The following AFAP1 variants were observed in gnomAD, a reference collection of about 807,000 sequenced individuals.
AFAP1 encodes the protein actin filament-associated protein 1.
In AFAP1, 75 loss-of-function variants were observed where a neutral mutation model predicts 93.9. The ratio of observed to expected loss-of-function variants is 0.80; its 90% confidence interval spans 0.66 to 0.97. AFAP1 has a LOEUF of 0.97. Ranked by LOEUF, AFAP1 falls within the 50% of genes least tolerant of loss-of-function variation. The pLI, the probability that AFAP1 is intolerant of heterozygous loss-of-function variation, is 0.00. For synonymous variants in AFAP1, 517 were observed against 430.7 expected, an observed-to-expected ratio of 1.20 and a Z score of -2.48; for missense variants, 1,201 against 1,050.8, an observed-to-expected ratio of 1.14 and a Z score of -1.98.
intron 9 of AFAP1, among the ~76,000 whole-genome samples, chr4:7,801,737 C>T (rs549336618): frequency 1.8e-4 from 27 of 151,424 alleles, no homozygotes; most frequent in African/African-American, 4.8e-4. Flanking sequence ...AAATGTCACA[C>T]ATACCCCTAC....
intron 12 of AFAP1, among the ~76,000 whole-genome samples, chr4:7,783,199 G>A (rs532451640): frequency 1.6e-4 from 24 of 152,212 alleles, no homozygotes; most frequent in African/African-American, 4.1e-4. Flanking sequence ...CAGTGCAGTG[G>A]CACAATCTCA....
intron 4 of AFAP1, among the ~76,000 whole-genome samples, chr4:7,846,662 T>TTTTTAA (rs1713737268): frequency 6.6e-6 from 1 of 152,222 alleles, no homozygotes; most frequent in Non-Finnish European, 1.5e-5. Context: ...TTGTGAGCTC[T>TTTTTAA]ACTCTATGCC....
chr4:7,789,856 G>T (rs1233491695), intron 11 of AFAP1, among the ~76,000 whole-genome samples: 2 of 152,226 alleles, frequency 1.3e-5, no homozygotes, highest in Non-Finnish European at 2.9e-5. Context: ...GTGACTTGAA[G>T]AGAGTTTCAG....
intron 9 of AFAP1, among the ~76,000 whole-genome samples, chr4:7,804,910 G>A (rs1425314065): frequency 6.6e-6 from 1 of 152,194 alleles, no homozygotes; most frequent in Non-Finnish European, 1.5e-5. Context: ...TCAGGAAACT[G>A]CTGGCAGCTG....
chr4:7,777,807 T>C (rs1314757463), intron 14 of AFAP1: 2 of 152,230 alleles, frequency 1.3e-5, no homozygotes, highest in African/African-American at 4.8e-5. Flanking sequence ...ATCCCCACAC[T>C]GCAGCCCTGC....
chr4:7,852,133 G>A (rs142997133), intron 4 of AFAP1, among the ~76,000 whole-genome samples: 2 of 152,260 alleles, frequency 1.3e-5, no homozygotes, highest in African/African-American at 2.4e-5. Flanking sequence ...GGGGGCAAGA[G>A]ACTTCAGAGT....
rs761608575 is a variant in AFAP1, at chr4:7,939,473, G to A, written c.-3+183C>T. The stretch of plus-strand genomic sequence containing the variant: ...ACCGGCCCCCACCCGCAGGACGACC[G>A]GGACCCCCGCGCGGGCCCACGCGGC... On this transcript the variant is annotated intron_variant, in intron 1 of 17. Coordinates refer to ENST00000420658, the MANE Select transcript of AFAP1 (RefSeq NM_001134647.2). The surrounding 1 kb of genome is among the most constrained non-coding windows in gnomAD (Gnocchi z 5.6). The A allele has an allele frequency of 3.3e-6, 1 of 300,980 alleles. No individual in the cohort carries two copies. Among genetic ancestry groups the A allele is most frequent in the Non-Finnish European group, 6.3e-6 (1 of 157,916 alleles). The allele number at this position is 300,980 out of a possible 1,614,324, so 18.6% of individuals were successfully genotyped here. A position where few individuals can be genotyped will look rare whatever the true frequency, so the allele number is the denominator to read the frequency against.
intron 1 of AFAP1, among the ~76,000 whole-genome samples, chr4:7,912,626 G>C (rs1719798942): frequency 6.6e-6 from 1 of 152,168 alleles, no homozygotes; most frequent in Non-Finnish European, 1.5e-5. Context: ...AAAGTAGATG[G>C]TTTGGTTTTA....
intron 4 of AFAP1, among the ~76,000 whole-genome samples, chr4:7,853,168 T>C (rs1284097121): frequency 1.3e-5 from 2 of 151,710 alleles, no homozygotes; most frequent in Non-Finnish European, 2.9e-5. Flanking sequence ...TAGATGATTC[T>C]GGGCTAGGGT....
chr4:7,873,599 G>A (rs760288239), intron 1 of AFAP1, among the ~76,000 whole-genome samples: 1 of 151,884 alleles, frequency 6.6e-6, no homozygotes, highest in African/African-American at 2.4e-5. Flanking sequence ...CCACCCATCT[G>A]GGCCTCCCAA....
At chr4:7,893,094 G>C (rs1282331466) in intron 1 of AFAP1, among the ~76,000 whole-genome samples, 1 of 152,168 alleles carries the variant, frequency 6.6e-6, no homozygotes, top group Non-Finnish European at 1.5e-5. Context: ...CGGTGCCGGG[G>C]GGGCAGAAAC....
chr4:7,781,492 CCTTT>C lies in AFAP1; in HGVS notation c.1662_1665del (p.Lys555ProfsTer59), dbSNP rs1716766304. The C allele has an allele frequency of 1.3e-6, 2 of 1,552,208 alleles. No homozygotes were observed. The highest frequency in any genetic ancestry group is 1.7e-6 in the Non-Finnish European group (2 of 1,147,114). ...AGCTTGTCAGCAGACAGCCTAGAGGCCTTTCTGTCAGCAGGAGAGTAGCGGGCAA... is the reference window on the plus strand; with the variant it reads ...AGCTTGTCAGCAGACAGCCTAGAGGCCTGTCAGCAGGAGAGTAGCGGGCAA... On this transcript the variant is annotated frameshift_variant, in exon 13 of 18. Transcript: ENST00000420658. LOFTEE classifies it high-confidence loss of function.
At position 7,834,128 on chromosome 4, in the gene AFAP1, C is replaced by CACACACACAT. The variant is rs756961714; in HGVS notation, c.726+4395_726+4396insATGTGTGTGT. Among the ~76,000 whole-genome samples the CACACACACAT allele has an allele frequency of 6.8e-3, 812 of 119,412 alleles. 12 individuals carry two copies. The highest frequency in any genetic ancestry group is 0.022 in the African/African-American group (563 of 25,490). 78.3% of individuals were successfully genotyped at this position (119,412 alleles called of 152,430 possible). A position where few individuals can be genotyped will look rare whatever the true frequency, so the allele number is the denominator to read the frequency against. ...ACACACACACACACACACACACACACATATATACAATGGAATACTACTCAG... is the reference window on the plus strand; with the variant it reads ...ACACACACACACACACACACACACACACACACACATATATATACAATGGAATACTACTCAG... On this transcript the variant is annotated intron_variant, in intron 6 of 17. Coordinates refer to ENST00000420658, the MANE Select transcript of AFAP1 (RefSeq NM_001134647.2).
intron 4 of AFAP1, among the ~76,000 whole-genome samples, chr4:7,849,540 G>T (rs1445814014): frequency 2.0e-5 from 3 of 152,142 alleles, no homozygotes; most frequent in Non-Finnish European, 4.4e-5. Flanking sequence ...ATGACAAACG[G>T]CCTATTGGAG....
At chr4:7,842,685 T>G in intron 5 of AFAP1, 1 of 156,278 alleles carries the variant, frequency 6.4e-6, no homozygotes, top group Non-Finnish European at 1.4e-5. Flanking sequence ...CCTCTCAAAT[T>G]TAAAAAAAAA....
chr4:7,784,188 T>C (rs1717045271), intron 12 of AFAP1, among the ~76,000 whole-genome samples: 1 of 152,014 alleles, frequency 6.6e-6, no homozygotes, highest in African/African-American at 2.4e-5. Flanking sequence ...CAGGGAGGAT[T>C]GGCTGAGGGG....
At chr4:7,868,867 T>C (rs974041602) in intron 2 of AFAP1, 148 bp from the exon 3 acceptor site, 11 of 650,328 alleles carry the variant, frequency 1.7e-5, no homozygotes, top group African/African-American at 3.9e-5. Context: ...CAAGGTTAGG[T>C]ATTATTCTTC....
chr4:7,831,267 C>T (rs927294058), intron 6 of AFAP1, among the ~76,000 whole-genome samples: 1 of 151,874 alleles, frequency 6.6e-6, no homozygotes, highest in Non-Finnish European at 1.5e-5. Context: ...GATTCCTGTA[C>T]CATTATATGT....
At chr4:7,898,405 T>A (rs528565157) in intron 1 of AFAP1, among the ~76,000 whole-genome samples, 1 of 151,376 alleles carries the variant, frequency 6.6e-6, no homozygotes, top group South Asian at 2.1e-4. Flanking sequence ...TGAAACTCCA[T>A]CTCAGAAGGG....
Sources: allele counts gnomAD v4.1 joint callset (sites outside exome capture counted in the v4.1 genomes callset), GRCh38; gene constraint gnomAD v4.1.1; non-coding constraint Gnocchi (gnomAD v3.1); transcripts MANE v1.5; gene names NCBI Gene and HGNC (gene_info 2026-07-23, HGNC 2026-07-21).